RRBP1: variants seen among roughly 807,000 people sequenced by gnomAD.
RRBP1 encodes the protein ribosome binding protein 1.
A neutral mutation model predicts 165.2 loss-of-function variants in RRBP1; 94 were observed. That is an observed-to-expected ratio of 0.57 (90% CI 0.48 to 0.68). The LOEUF is 0.68. Ranked by LOEUF, RRBP1 falls within the 30% of genes least tolerant of loss-of-function variation. The probability of loss-of-function intolerance (pLI) is 0.00; values close to 1 mark genes in which losing one functional copy is unlikely to be tolerated. For synonymous variants in RRBP1, 680 were observed against 714.5 expected, an observed-to-expected ratio of 0.95 and a Z score of 0.77; for missense variants, 1,676 against 1,763.0, an observed-to-expected ratio of 0.95 and a Z score of 0.88.
chr20:17,642,991 G>A lies in RRBP1; in HGVS notation c.2049C>T (p.Asp683=). 1 of 1,613,976 alleles carries A rather than the reference G, an allele frequency of 6.2e-7. No homozygotes were observed. Among genetic ancestry groups the A allele is most frequent in the Non-Finnish European group, 8.5e-7 (1 of 1,179,962 alleles). The part of the protein sequence containing the change: ...ILSEKAGIIQ[D]TWHKATQKGD... ...AGGGTGGGCCCACCTTGTGCCAGGTGTCCTGAATGATGCCAGCCTTCTCAG... is the reference window on the plus strand; with the variant it reads ...AGGGTGGGCCCACCTTGTGCCAGGTATCCTGAATGATGCCAGCCTTCTCAG... Residue 683 remains aspartate (D), a synonymous_variant, in exon 4 of 25, where the codon GAC becomes GAT. Coordinates refer to ENST00000377813, the MANE Select transcript of RRBP1 (RefSeq NM_001365613.2).
At chr20:17,650,642 G>A (rs2036538933) in intron 3 of RRBP1, among the ~76,000 whole-genome samples, 1 of 152,224 alleles carries the variant, frequency 6.6e-6, no homozygotes, top group South Asian at 2.1e-4. Context: ...AACAATGAGT[G>A]AAGCAAGCTC....
At chr20:17,628,683 G>A (rs1358382581) in intron 9 of RRBP1, among the ~76,000 whole-genome samples, 2 of 152,196 alleles carry the variant, frequency 1.3e-5, no homozygotes, top group Non-Finnish European at 1.5e-5. Context: ...TCTCACATAG[G>A]CCAAGTCAGT....
In RRBP1 at chr20:17,660,163, G is replaced by T; in HGVS notation, c.345C>A (p.Pro115=). ...CTGTGGCGACAGGAGCAACGATAAT[G>T]GGGGGCTGCACTGGGGTTGGAGCCA... ...VAVAPTPVQP[P]IIVAPVATVP... The change falls in exon 3 of 25, where the codon CCC becomes CCA. Residue 115 remains proline, a synonymous_variant. Transcript: ENST00000377813. 2.5e-6 allele frequency: 4 copies of T among 1,614,122 alleles called. No individual in the cohort carries two copies. Among genetic ancestry groups the T allele is most frequent in the Non-Finnish European group, 3.4e-6 (4 of 1,180,010 alleles).
intron 19 of RRBP1, 82 bp downstream of exon 19, chr20:17,619,551 C>T (rs985527458): frequency 3.0e-6 from 3 of 985,814 alleles, no homozygotes; most frequent in Non-Finnish European, 4.4e-6. Context: ...GAGAGCTGCT[C>T]CCACAGGGCT....
At chr20:17,618,122 T>C (rs549829639) in intron 20 of RRBP1, among the ~76,000 whole-genome samples, 222 of 152,336 alleles carry the variant, frequency 1.5e-3, no homozygotes, top group Admixed American at 2.2e-3. Flanking sequence ...TGCATGCCTG[T>C]GGCTTTGACT....
chr20:17,661,349 A>G (rs528036835), intron 2 of RRBP1, among the ~76,000 whole-genome samples: 1 of 152,340 alleles, frequency 6.6e-6, no homozygotes, highest in East Asian at 1.9e-4. Context: ...AGGAAGAATC[A>G]GTCTTGGGAG....
chr20:17,663,417 C>T (rs180736858), intron 2 of RRBP1, among the ~76,000 whole-genome samples: 43 of 152,332 alleles, frequency 2.8e-4, no homozygotes, highest in Admixed American at 7.2e-4. Flanking sequence ...GCAACGCACA[C>T]AAATATATGT....
At chr20:17,678,760 TTTAAAC>T (rs1404570026) in intron 2 of RRBP1, among the ~76,000 whole-genome samples, 2 of 152,226 alleles carry the variant, frequency 1.3e-5, no homozygotes, top group African/African-American at 4.8e-5. Context: ...TTTGAATTGT[TTTAAAC>T]TTAAATTGCT....
intron 23 of RRBP1, 45 bp from the exon 24 acceptor site, chr20:17,614,925 G>A (rs1233195409): frequency 8.1e-6 from 13 of 1,603,950 alleles, no homozygotes; most frequent in Admixed American, 1.7e-5. Flanking sequence ...GCACCGGCAG[G>A]AGGGCCACCC....
At chr20:17,676,470 C>T (rs973009585) in intron 2 of RRBP1, among the ~76,000 whole-genome samples, 2 of 152,150 alleles carry the variant, frequency 1.3e-5, no homozygotes, top group African/African-American at 2.4e-5. Flanking sequence ...TCACTCACTC[C>T]AGGGATCAGA....
intron 13 of RRBP1, 46 bp from the exon 14 acceptor site, chr20:17,621,993 T>C (rs1194136265): frequency 2.7e-6 from 4 of 1,466,688 alleles, no homozygotes. Flanking sequence ...GCTGTGGAGG[T>C]GTGGGGCACC....
intron 24 of RRBP1, among the ~76,000 whole-genome samples, chr20:17,614,531 G>A (rs532578458): frequency 6.6e-6 from 1 of 152,172 alleles, no homozygotes; most frequent in Non-Finnish European, 1.5e-5. Flanking sequence ...CCCCAGAAGG[G>A]TGGGTGGTGG....
intron 4 of RRBP1, among the ~76,000 whole-genome samples, chr20:17,642,290 C>A (rs2036378428): frequency 6.6e-6 from 1 of 152,230 alleles, no homozygotes; most frequent in Non-Finnish European, 1.5e-5. Context: ...GCCGGGTACT[C>A]TGAGGACAGT....
At chr20:17,632,659 C>T (rs1049125926) in intron 8 of RRBP1, among the ~76,000 whole-genome samples, 20 of 8,170 alleles carry the variant, frequency 2.4e-3, no homozygotes, top group African/African-American at 5.1e-3. Context: ...GGGCCCTAAG[C>T]CCCTGGGGTC....
intron 2 of RRBP1, among the ~76,000 whole-genome samples, chr20:17,676,108 C>A (rs1000033382): frequency 4.6e-5 from 7 of 152,218 alleles, no homozygotes; most frequent in African/African-American, 1.7e-4. Context: ...ACCCAGGAGG[C>A]TGAGGCAGGA....
At chr20:17,663,068 T>TTCTC (rs2036796639) in intron 2 of RRBP1, among the ~76,000 whole-genome samples, 2 of 152,130 alleles carry the variant, frequency 1.3e-5, no homozygotes, top group Non-Finnish European at 2.9e-5. Flanking sequence ...GAAACGAACA[T>TTCTC]TAGGGGCCTG....
chr20:17,661,276 T>C (rs908696829), intron 2 of RRBP1, among the ~76,000 whole-genome samples: 3 of 152,186 alleles, frequency 2.0e-5, no homozygotes, highest in African/African-American at 4.8e-5. Flanking sequence ...TGAGGGAAAA[T>C]AGCCTTTTGC....
intron 8 of RRBP1, 152 bp downstream of exon 8, chr20:17,633,308 G>T: frequency 1.2e-6 from 1 of 832,584 alleles, no homozygotes; most frequent in Admixed American, 2.4e-5. Flanking sequence ...TGAAGAGTTT[G>T]AGCCCCAGCC....
intron 2 of RRBP1, among the ~76,000 whole-genome samples, chr20:17,673,281 C>T (rs2037013828): frequency 2.0e-5 from 3 of 152,216 alleles, no homozygotes; most frequent in Admixed American, 6.5e-5. Flanking sequence ...GCTCCCTTCA[C>T]AGACAGGAAG....
Sources: allele counts gnomAD v4.1 joint callset (sites outside exome capture counted in the v4.1 genomes callset), GRCh38; gene constraint gnomAD v4.1.1; transcripts MANE v1.5; gene names NCBI Gene and HGNC (gene_info 2026-07-23, HGNC 2026-07-21).